PLD5: variants seen among roughly 807,000 people sequenced by gnomAD.
PLD5 encodes inactive phospholipase D5.
A neutral mutation model predicts 61.1 loss-of-function variants in PLD5; 36 were observed. That is an observed-to-expected ratio of 0.59 (90% CI 0.45 to 0.78). The LOEUF is 0.78. Ranked by LOEUF, PLD5 falls within the 30% of genes least tolerant of loss-of-function variation. PLD5 has a pLI of 0.00. For missense variants in PLD5, 515 were observed against 644.4 expected, an observed-to-expected ratio of 0.80 and a Z score of 2.17; for synonymous variants, 243 against 242.8, an observed-to-expected ratio of 1.00 and a Z score of -0.01.
chr1:242,221,131 T>C (rs1322417779), intron 4 of PLD5, among the ~76,000 whole-genome samples: 2 of 152,214 alleles, frequency 1.3e-5, no homozygotes, highest in Non-Finnish European at 1.5e-5. Flanking sequence ...TTTGAAGAGC[T>C]GAATGTGACC....
At chr1:242,340,817 A>C (rs1025731953) in intron 2 of PLD5, among the ~76,000 whole-genome samples, 35 of 152,300 alleles carry the variant, frequency 2.3e-4, no homozygotes, top group Non-Finnish European at 4.3e-4. Flanking sequence ...GAATACGAAG[A>C]AATGAAGGGA....
chr1:242,239,232 T>C (rs755979236), intron 4 of PLD5, among the ~76,000 whole-genome samples: 11 of 152,054 alleles, frequency 7.2e-5, no homozygotes, highest in Non-Finnish European at 1.3e-4. Flanking sequence ...AGAGAAACAA[T>C]AGGAGTGGGC....
chr1:242,171,298 G>GAAGGAGA (rs1389215949), intron 5 of PLD5, among the ~76,000 whole-genome samples: 2 of 152,256 alleles, frequency 1.3e-5, no homozygotes, highest in East Asian at 3.9e-4. Flanking sequence ...CTTCATAACT[G>GAAGGAGA]AAGGAGAAAT....
chr1:242,480,848 A>G (rs949971013), intron 1 of PLD5, among the ~76,000 whole-genome samples: 1 of 152,258 alleles, frequency 6.6e-6, no homozygotes. Flanking sequence ...GGCTCTACAT[A>G]GCATGTGTTG....
intron 1 of PLD5, among the ~76,000 whole-genome samples, chr1:242,409,708 G>T (rs1051682258): frequency 6.6e-6 from 1 of 152,296 alleles, no homozygotes; most frequent in East Asian, 1.9e-4. Flanking sequence ...CTGGGCTCAG[G>T]GGATTGGTTT....
intron 9 of PLD5, among the ~76,000 whole-genome samples, chr1:242,096,855 T>C (rs1660282618): frequency 6.6e-6 from 1 of 152,180 alleles, no homozygotes; most frequent in African/African-American, 2.4e-5. Context: ...TAACTCATCA[T>C]TTAACATTAG....
At chr1:242,332,356 T>A (rs562334712) in intron 2 of PLD5, among the ~76,000 whole-genome samples, 1 of 152,178 alleles carries the variant, frequency 6.6e-6, no homozygotes, top group Non-Finnish European at 1.5e-5. Context: ...TACATGGGCA[T>A]GTGTCTTCAT....
intron 5 of PLD5, among the ~76,000 whole-genome samples, chr1:242,173,337 T>G (rs1227990382): frequency 6.6e-6 from 1 of 152,092 alleles, no homozygotes; most frequent in African/African-American, 2.4e-5. Flanking sequence ...GGAATCCAAC[T>G]TACAAGGGAT....
At chr1:242,198,962 G>A (rs533529122) in intron 5 of PLD5, among the ~76,000 whole-genome samples, 20 of 152,172 alleles carry the variant, frequency 1.3e-4, no homozygotes, top group Non-Finnish European at 2.1e-4. Context: ...TCGGACTCCC[G>A]ATCTCAGGTG....
chr1:242,232,032 G>A (rs367833351), intron 4 of PLD5, among the ~76,000 whole-genome samples: 9 of 151,344 alleles, frequency 5.9e-5, no homozygotes, highest in Admixed American at 4.6e-4. Flanking sequence ...ATCTAATTGC[G>A]GTAGTTCTAG....
At chr1:242,332,479 A>C (rs1442453249) in intron 2 of PLD5, among the ~76,000 whole-genome samples, 1 of 152,134 alleles carries the variant, frequency 6.6e-6, no homozygotes, top group Non-Finnish European at 1.5e-5. Flanking sequence ...ATAATGGTTG[A>C]ACTAATTTAC....
At chr1:242,453,288 T>G (rs1377190104) in intron 1 of PLD5, among the ~76,000 whole-genome samples, 1 of 152,218 alleles carries the variant, frequency 6.6e-6, no homozygotes, top group Non-Finnish European at 1.5e-5. Context: ...TGCCAGTGAC[T>G]TGATCTGGGA....
intron 4 of PLD5, among the ~76,000 whole-genome samples, chr1:242,233,804 CCTCTCTGTCTCCTCCTACA>C (rs948566215): frequency 1.1e-4 from 16 of 152,062 alleles, no homozygotes; most frequent in African/African-American, 3.9e-4. Flanking sequence ...TGTGTGTGTC[CCTCTCTGTCTCCTCCTACA>C]CTCTCTGTCT....
chr1:242,110,102 T>A (rs1661369398), intron 7 of PLD5, among the ~76,000 whole-genome samples: 1 of 148,336 alleles, frequency 6.7e-6, no homozygotes, highest in Non-Finnish European at 1.5e-5. Flanking sequence ...ATTATTATAT[T>A]ATCATAAAGG....
rs1053568654 is a variant in PLD5 at position 242,132,294 on chromosome 1, G to A, written c.736-7629C>T. On this transcript the variant is annotated intron_variant, in intron 5 of 9. Coordinates refer to ENST00000536534, the MANE Select transcript of PLD5 (RefSeq NM_001372062.1). Reference sequence around the variant, plus strand: ...TTATTAGTGATGCGGAAACCAGCGCGGGTGTCTGATGGATGCTGTTGTCAT... The same window carrying A: ...TTATTAGTGATGCGGAAACCAGCGCAGGTGTCTGATGGATGCTGTTGTCAT... Among the ~76,000 whole-genome samples, 9 of 148,064 alleles carry A rather than the reference G, an allele frequency of 6.1e-5. 1 individual carries two copies. The highest frequency in any genetic ancestry group is 1.2e-4 in the Non-Finnish European group (8 of 67,188).
intron 2 of PLD5, among the ~76,000 whole-genome samples, chr1:242,296,454 G>A (rs1259446537): frequency 1.3e-5 from 2 of 152,130 alleles, no homozygotes; most frequent in African/African-American, 4.8e-5. Context: ...TAAAAGCATA[G>A]GATCAACAAG....
At chr1:242,202,348 A>C (rs1669036619) in intron 5 of PLD5, among the ~76,000 whole-genome samples, 1 of 152,176 alleles carries the variant, frequency 6.6e-6, no homozygotes, top group African/African-American at 2.4e-5. Flanking sequence ...AGGGTTACTA[A>C]TAATAATAAT....
At chr1:242,214,440 CA>C (rs776364358) in intron 5 of PLD5, among the ~76,000 whole-genome samples, 40 of 152,202 alleles carry the variant, frequency 2.6e-4, no homozygotes, top group Non-Finnish European at 4.9e-4. Flanking sequence ...TCAACTTCAG[CA>C]ATTGCTAGAT....
intron 4 of PLD5, among the ~76,000 whole-genome samples, chr1:242,260,994 G>A (rs1328377023): frequency 1.3e-5 from 2 of 152,228 alleles, no homozygotes; most frequent in Non-Finnish European, 2.9e-5. Context: ...TACAGAGTCA[G>A]TGTAATTCTA....
Sources: gnomAD v4.1 joint callset for allele counts (sites outside exome capture counted in the v4.1 genomes callset) on GRCh38, gnomAD v4.1.1 for gene constraint, MANE v1.5 for transcripts, NCBI Gene and HGNC (gene_info 2026-07-23, HGNC 2026-07-21) for gene names.